WNT3: variants seen among roughly 807,000 people sequenced by gnomAD.
The protein encoded by WNT3 is Wnt family member 3.
Under a neutral mutation model 34.2 loss-of-function variants are expected in WNT3, and 7 were observed. The ratio of observed to expected loss-of-function variants is 0.20; its 90% CI spans 0.12 to 0.38. The LOEUF (loss-of-function observed/expected upper bound fraction) is 0.38. WNT3 is among the 10% of genes least tolerant of loss of function. WNT3 has a pLI of 1.00. For synonymous variants in WNT3, 212 were observed against 211.5 expected (o/e 1.00, Z -0.02); for missense variants, 267 against 499.8 (o/e 0.53, Z 4.44).
intron 4 of WNT3, among the ~76,000 whole-genome samples, chr17:46,765,585 G>C (rs550769022): frequency 6.6e-6 from 1 of 152,288 alleles, no homozygotes; most frequent in African/African-American, 2.4e-5. Flanking sequence ...GGGAAGACAA[G>C]AGAACAGCTA....
chr17:46,772,201 G>C lies in WNT3; in HGVS notation c.322+1467C>G, dbSNP rs187917024. ...CGTATGCGCTCGCGGCGTCTTCCGG[G>C]ATGCTCTCCTCGCCGCCGCCAGCAA... On this transcript the variant is annotated intron_variant, in intron 2 of 4. Coordinates refer to ENST00000225512, the MANE Select transcript of WNT3 (RefSeq NM_030753.5). 7.0e-4 allele frequency among the ~76,000 whole-genome samples: 106 copies of C among 152,284 alleles called. 3 individuals carry two copies. In the East Asian group the frequency reaches 0.018, roughly 26 times the overall value.
intron 1 of WNT3, among the ~76,000 whole-genome samples, chr17:46,784,838 C>T (rs1237103993): frequency 9.4e-5 from 14 of 149,232 alleles, no homozygotes; most frequent in East Asian, 2.0e-4. Context: ...TGCAGTGGCG[C>T]GATCTCGGGT....
chr17:46,769,804 G>A lies in WNT3; in HGVS notation c.567C>T (p.His189=), dbSNP rs745812191. 1 of 1,612,416 alleles carries A rather than the reference G, an allele frequency of 6.2e-7. No homozygotes were observed. Among genetic ancestry groups the A allele is most frequent in the Admixed American group, 1.7e-5 (1 of 60,008 alleles). Residue 189 remains histidine (H), a synonymous_variant, in exon 3 of 5, where the codon CAC becomes CAT. Transcript: ENST00000225512. ...RPDARSAMNK[H]NNEAGRTTIL... ...TCACCGTGCGGCCCGCCTCGTTGTT[G>A]TGCTTGTTCATGGCCGAGCGCGCGT...
At chr17:46,788,744 G>A (rs2083939904) in intron 1 of WNT3, among the ~76,000 whole-genome samples, 1 of 147,284 alleles carries the variant, frequency 6.8e-6, no homozygotes, top group Non-Finnish European at 1.5e-5. Context: ...GCCCTGCGAG[G>A]ACCTCCCTGC....
intron 1 of WNT3, among the ~76,000 whole-genome samples, chr17:46,802,455 A>G (rs1392324404): frequency 6.6e-6 from 1 of 152,068 alleles, no homozygotes; most frequent in Non-Finnish European, 1.5e-5. Flanking sequence ...TTTAGTAGAG[A>G]TGGGGTTTCA....
chr17:46,789,166 C>T (rs1002798832), intron 1 of WNT3, among the ~76,000 whole-genome samples: 2 of 152,128 alleles, frequency 1.3e-5, no homozygotes, highest in African/African-American at 4.8e-5. Context: ...CTGGAGCTGC[C>T]CTGAGGAAGC....
chr17:46,802,136 A>T (rs1331994561), intron 1 of WNT3, among the ~76,000 whole-genome samples: 1 of 152,220 alleles, frequency 6.6e-6, no homozygotes, highest in Non-Finnish European at 1.5e-5. Context: ...TAAAATCCTT[A>T]GAAACTCCAA....
intron 2 of WNT3, among the ~76,000 whole-genome samples, chr17:46,773,321 C>G (rs945418765): frequency 2.0e-5 from 3 of 152,090 alleles, no homozygotes; most frequent in African/African-American, 7.2e-5. Flanking sequence ...TGGCAATGCT[C>G]TCACCCCCAC....
chr17:46,800,245 G>A (rs768685222), intron 1 of WNT3, among the ~76,000 whole-genome samples: 3 of 152,138 alleles, frequency 2.0e-5, no homozygotes, highest in Non-Finnish European at 4.4e-5. Context: ...CGAGTAGCTG[G>A]CATTACAGCT....
chr17:46,803,495 A>T (rs2084152845), intron 1 of WNT3, among the ~76,000 whole-genome samples: 1 of 152,212 alleles, frequency 6.6e-6, no homozygotes. Flanking sequence ...TGTCACTGCA[A>T]TCCAACCTGG....
chr17:46,780,758 C>T (rs1172841140), intron 1 of WNT3, among the ~76,000 whole-genome samples: 2 of 152,112 alleles, frequency 1.3e-5, no homozygotes, highest in East Asian at 3.9e-4. Flanking sequence ...GCCTGGGTGA[C>T]AGAGCAAGAC....
chr17:46,780,506 T>C (rs115090569), intron 1 of WNT3, among the ~76,000 whole-genome samples: 149,488 of 152,382 alleles, frequency 0.98, 73,385 homozygotes, highest in East Asian at 1. Context: ...ATGGGGACTC[T>C]GCCCAGGTGC....
rs562960008 is a variant in WNT3 at position 46,767,737 on chromosome 17, C to CA, written c.*8+574dup. On this transcript the variant is annotated intron_variant, in intron 4 of 4. Transcript: ENST00000225512. ...AACTAACTTGTGTAAAAATGTTAAT[C>CA]AATTGCTGGCACCTAATGTGCACAC... Among the ~76,000 whole-genome samples the CA allele has an allele frequency of 1.5e-3, 224 of 152,276 alleles. 1 individual carries two copies. The highest frequency in any genetic ancestry group is 5.1e-3 in the African/African-American group (210 of 41,544).
intron 1 of WNT3, among the ~76,000 whole-genome samples, chr17:46,795,124 C>G (rs2084036786): frequency 6.6e-6 from 1 of 152,092 alleles, no homozygotes; most frequent in African/African-American, 2.4e-5. Context: ...TCTGAGCCAC[C>G]ATTTTGGCCC....
At chr17:46,804,416 G>A (rs899158612) in intron 1 of WNT3, among the ~76,000 whole-genome samples, 18 of 152,208 alleles carry the variant, frequency 1.2e-4, no homozygotes, top group African/African-American at 4.3e-4. Flanking sequence ...AATCTGATGT[G>A]TTTTCCGTCA....
At chr17:46,811,245 CTT>C in intron 1 of WNT3, among the ~76,000 whole-genome samples, 1 of 101,064 alleles carries the variant, frequency 9.9e-6, no homozygotes, top group African/African-American at 3.0e-5. Context: ...ACTAAGCGGC[CTT>C]AGGTGTCATC....
chr17:46,809,942 G>A (rs1031858689), intron 1 of WNT3, among the ~76,000 whole-genome samples: 5 of 151,572 alleles, frequency 3.3e-5, no homozygotes, highest in Non-Finnish European at 7.4e-5. Flanking sequence ...GGGCTCTTAG[G>A]TCCATTCTTA....
At chr17:46,767,259 G>A (rs965618444) in intron 4 of WNT3, among the ~76,000 whole-genome samples, 2 of 151,994 alleles carry the variant, frequency 1.3e-5, no homozygotes, top group African/African-American at 2.4e-5. Context: ...TTGATCCCTC[G>A]ATTACTCATC....
At position 46,818,500 on chromosome 17, in the gene WNT3, A is replaced by G; in HGVS notation, c.80+18T>C. On this transcript the variant is annotated intron_variant, in intron 1 of 4. Coordinates refer to ENST00000225512, the MANE Select transcript of WNT3 (RefSeq NM_030753.5). ...GGCGGAGAAACCGGGCCGCGGGCAG[A>G]CAAGAGGCGAGTCTTACCACCAAAT... 6.3e-7 allele frequency: 1 copy of G among 1,597,854 alleles called. No individual in the cohort carries two copies. The highest frequency in any genetic ancestry group is 8.5e-7 in the Non-Finnish European group (1 of 1,173,580).
Sources: gnomAD v4.1 joint callset for allele counts (sites outside exome capture counted in the v4.1 genomes callset) on GRCh38, gnomAD v4.1.1 for gene constraint, MANE v1.5 for transcripts, NCBI Gene and HGNC (gene_info 2026-07-23, HGNC 2026-07-21) for gene names.